Variants in VAV2 observed in about 807,000 individuals in gnomAD.
VAV2 encodes guanine nucleotide exchange factor VAV2.
In VAV2, 67 loss-of-function variants were observed where a neutral mutation model predicts 132.5. The ratio of observed to expected loss-of-function variants is 0.51; its 90% CI spans 0.42 to 0.62. The LOEUF (loss-of-function observed/expected upper bound fraction) is 0.62, where lower values mean the gene tolerates loss of function less well. Ranked by LOEUF, VAV2 falls within the 20% of genes least tolerant of loss-of-function variation. The pLI, the probability that VAV2 is intolerant of heterozygous loss-of-function variation, is 0.00. For missense variants in VAV2, 938 were observed against 1,153.6 expected, an observed-to-expected ratio of 0.81 and a Z score of 2.71; for synonymous variants, 492 against 443.5, an observed-to-expected ratio of 1.11 and a Z score of -1.37.
Position 133,835,909 on chromosome 9 carries a change from C to T in VAV2, c.381-1569G>A, listed in dbSNP as rs756940794. 3.3e-5 allele frequency among the ~76,000 whole-genome samples: 5 copies of T among 152,184 alleles called. No homozygotes were observed. The South Asian group carries it at 1.0e-3, about 31-fold the overall frequency. On this transcript the variant is annotated intron_variant, in intron 3 of 29. Transcript: ENST00000371850. ...AAAGCCCGTGTCCAAGGGCGCAGCA[C>T]GGCCAGGCCTGACCTCTGCATGGGT...
At chr9:133,839,338 T>C (rs963253032) in intron 3 of VAV2, among the ~76,000 whole-genome samples, 1 of 151,702 alleles carries the variant, frequency 6.6e-6, no homozygotes, top group Non-Finnish European at 1.5e-5. Flanking sequence ...AATGAGTGGG[T>C]TGGTGGGTGG....
At chr9:133,851,897 ATGGATGGATGGG>A (rs1235687456) in intron 3 of VAV2, among the ~76,000 whole-genome samples, 1,609 of 145,428 alleles carry the variant, frequency 0.011, 28 homozygotes, top group African/African-American at 0.04. Context: ...GCATGGATGG[ATGGATGGATGGG>A]TGGATGGATG....
chr9:133,982,275 GGC>G (rs1842720295), intron 1 of VAV2, among the ~76,000 whole-genome samples: 2 of 152,174 alleles, frequency 1.3e-5, no homozygotes. Flanking sequence ...ACGGCCGGCC[GGC>G]AGGAGGGTGC....
chr9:133,905,266 T>TA (rs35348134), intron 2 of VAV2, among the ~76,000 whole-genome samples: 115,122 of 145,258 alleles, frequency 0.79, 45,846 homozygotes, highest in East Asian at 1. Flanking sequence ...CCATCTCTAC[T>TA]AAAAAAAAAA....
At chr9:133,847,102 C>A (rs1836963640) in intron 3 of VAV2, among the ~76,000 whole-genome samples, 1 of 152,158 alleles carries the variant, frequency 6.6e-6, no homozygotes, top group South Asian at 2.1e-4. Flanking sequence ...AGGCCTACAG[C>A]CTTAAGTTCC....
chr9:133,943,856 C>T (rs139312745), intron 1 of VAV2, among the ~76,000 whole-genome samples: 2 of 152,250 alleles, frequency 1.3e-5, no homozygotes, highest in Non-Finnish European at 2.9e-5. Context: ...CATCGGCAGC[C>T]GCAGATCTAA....
intron 4 of VAV2, among the ~76,000 whole-genome samples, chr9:133,818,457 G>C (rs1482694180): frequency 6.6e-6 from 1 of 151,882 alleles, no homozygotes; most frequent in Non-Finnish European, 1.5e-5. Context: ...ACTCCTCCTG[G>C]GTGTCAGATC....
chr9:133,889,761 CAA>C (rs796512675), intron 2 of VAV2, among the ~76,000 whole-genome samples: 5 of 151,762 alleles, frequency 3.3e-5, no homozygotes, highest in South Asian at 4.2e-4. Context: ...CACACACACA[CAA>C]AAAATTTTTT....
At chr9:133,962,868 T>C (rs1842010241) in intron 1 of VAV2, among the ~76,000 whole-genome samples, 1 of 152,216 alleles carries the variant, frequency 6.6e-6, no homozygotes. Flanking sequence ...GCTCCATTCC[T>C]AGGTTTTCCC....
intron 3 of VAV2, among the ~76,000 whole-genome samples, chr9:133,854,022 GCA>G (rs200935097): frequency 2.6e-4 from 40 of 151,986 alleles, no homozygotes; most frequent in East Asian, 1.4e-3. Context: ...ACACACGTGT[GCA>G]CACACACACA....
chr9:133,812,934 C>T (rs947344434), intron 4 of VAV2, among the ~76,000 whole-genome samples: 3 of 152,196 alleles, frequency 2.0e-5, no homozygotes, highest in Non-Finnish European at 4.4e-5. Flanking sequence ...CTCGTGTACT[C>T]GATGCAGCTC....
intron 3 of VAV2, among the ~76,000 whole-genome samples, chr9:133,843,445 G>A (rs187688509): frequency 7.2e-5 from 11 of 152,208 alleles, no homozygotes; most frequent in Admixed American, 1.3e-4. Context: ...GGCCTCACGC[G>A]ATCCTCCCAC....
intron 4 of VAV2, among the ~76,000 whole-genome samples, chr9:133,828,449 C>G (rs4081338): frequency 0.35 from 801 of 2,282 alleles, 173 homozygotes; most frequent in Admixed American, 0.46. Flanking sequence ...TGACCACTGA[C>G]CACGGGCATC....
intron 1 of VAV2, among the ~76,000 whole-genome samples, chr9:133,978,339 G>C (rs1026919990): frequency 6.6e-6 from 1 of 152,170 alleles, no homozygotes; most frequent in Non-Finnish European, 1.5e-5. Flanking sequence ...ATTTTTTAAA[G>C]TCCTTAACAA....
chr9:133,956,808 G>T (rs1308173511), intron 1 of VAV2, among the ~76,000 whole-genome samples: 1 of 152,208 alleles, frequency 6.6e-6, no homozygotes, highest in East Asian at 1.9e-4. Flanking sequence ...ACCCAGGCGG[G>T]AGCCCAGTGG....
chr9:133,955,405 C>T (rs1290465817), intron 1 of VAV2, among the ~76,000 whole-genome samples: 8 of 143,908 alleles, frequency 5.6e-5, no homozygotes, highest in Non-Finnish European at 1.2e-4. Flanking sequence ...TCCCCACTCC[C>T]CACACTCCTC....
chr9:133,947,659 A>G (rs1225710974), intron 1 of VAV2, among the ~76,000 whole-genome samples: 2 of 147,944 alleles, frequency 1.4e-5, no homozygotes, highest in East Asian at 4.4e-4. Context: ...AGATCATGCC[A>G]TTGCACTCCA....
intron 2 of VAV2, among the ~76,000 whole-genome samples, chr9:133,937,527 AGTGTGTGT>A (rs1393729562): frequency 1.8e-5 from 2 of 110,606 alleles, no homozygotes; most frequent in South Asian, 6.3e-4. Flanking sequence ...CGCGTGTGAG[AGTGTGTGT>A]GAGAGTGTGT....
intron 2 of VAV2, among the ~76,000 whole-genome samples, chr9:133,891,157 A>G (rs945559009): frequency 1.6e-4 from 24 of 149,666 alleles, no homozygotes; most frequent in Non-Finnish European, 2.5e-4. Context: ...CCCGGGGGAC[A>G]AGGGTGCAGG....
Sources: allele counts gnomAD v4.1 joint callset (sites outside exome capture counted in the v4.1 genomes callset), GRCh38; gene constraint gnomAD v4.1.1; transcripts MANE v1.5; gene names NCBI Gene and HGNC (gene_info 2026-07-23, HGNC 2026-07-21).